The following NLRP10 variants were observed in gnomAD, a reference collection of about 807,000 sequenced individuals.
NLRP10 encodes the protein NLR family pyrin domain containing 10.
In NLRP10, 7 loss-of-function variants were observed where a neutral mutation model predicts 8.2. The ratio of observed to expected loss-of-function variants is 0.85; its 90% CI spans 0.48 to 1.60. NLRP10 has a LOEUF of 1.60. NLRP10 is among the 40% of genes most tolerant of loss of function. The pLI is 0.00. For synonymous variants in NLRP10, 338 were observed against 314.0 expected (o/e 1.08, Z -0.81); for missense variants, 814 against 776.3 (o/e 1.05, Z -0.58).
In NLRP10 at chr11:7,958,583, C is replaced by A. The variant is rs749523727; in HGVS notation, c.*1061G>T. 3.9e-5 allele frequency among the ~76,000 whole-genome samples: 6 copies of A among 152,008 alleles called. No homozygotes were observed. Among genetic ancestry groups the A allele is most frequent in the Non-Finnish European group, 7.4e-5 (5 of 67,984 alleles). On this transcript the variant is annotated 3_prime_UTR_variant, in exon 3 of 3. Transcript: ENST00000691676. ...TTTTTTTTTTTGAGGCAGAGTCTCA[C>A]TCTGTTGCCAGGCTGGAGTGCAGTG...
In NLRP10 at chr11:7,961,007, T is replaced by C; in HGVS notation, c.605A>G (p.Tyr202Cys). 5 of 1,614,134 alleles carry C rather than the reference T, an allele frequency of 3.1e-6. No individual in the cohort carries two copies. The highest frequency in any genetic ancestry group is 4.2e-6 in the Non-Finnish European group (5 of 1,180,028). ...TGTLYPGRFD[Y>C]VFYVSCKEVV... ...TTCTTTGCAGCTTACATAAAAGACA[T>C]AATCAAACCGGCCTGGGTACAGAGT... Residue 202 changes from tyrosine to cysteine, a missense_variant, in exon 3 of 3, where the codon TAT becomes TGT. Coordinates refer to ENST00000691676, the MANE Select transcript of NLRP10 (RefSeq NM_001391958.1).
At position 7,960,602 on chromosome 11, in the gene NLRP10, G is replaced by C; in HGVS notation, c.1010C>G (p.Ala337Gly). 6.2e-7 allele frequency: 1 copy of C among 1,614,146 alleles called. No homozygotes were observed. The highest frequency in any genetic ancestry group is 1.1e-5 in the South Asian group (1 of 91,084). ...GTCATTTTTCTGTACAATGTCGAAG[G>C]CACGGTCAGCTTGCTTCTCATCCGT... Reference protein sequence around the residue: ...YFTDEKQADRAFDIVQKNDIL... With the variant: ...YFTDEKQADRGFDIVQKNDIL... The change falls in exon 3 of 3, where the codon GCC becomes GGC. Residue 337 changes from alanine to glycine, a missense_variant. Physicochemically the swap from Ala to Gly is moderately conservative, Grantham distance 60. Coordinates refer to ENST00000691676, the MANE Select transcript of NLRP10 (RefSeq NM_001391958.1).
Position 7,958,536 on chromosome 11 carries a change from T to C in NLRP10, c.*1108A>G, listed in dbSNP as rs539490390. 2.9e-4 allele frequency among the ~76,000 whole-genome samples: 44 copies of C among 152,318 alleles called. No individual in the cohort carries two copies. In the South Asian group the frequency reaches 8.7e-3, roughly 30 times the overall value. On this transcript the variant is annotated 3_prime_UTR_variant, in exon 3 of 3. Coordinates refer to ENST00000691676, the MANE Select transcript of NLRP10 (RefSeq NM_001391958.1). ...TGTGTATCTTCTTTAATAAGCTGTCTGTTCCAATCTTTTTACTCACCTTTT... is the reference window on the plus strand; with the variant it reads ...TGTGTATCTTCTTTAATAAGCTGTCCGTTCCAATCTTTTTACTCACCTTTT...
chr11:7,964,874 T>G (rs1564880079), intron 1 of NLRP10, among the ~76,000 whole-genome samples: 1 of 152,232 alleles, frequency 6.6e-6, no homozygotes, highest in Non-Finnish European at 1.5e-5. Context: ...GAAATACACC[T>G]GTGACCTAAG....
chr11:7,963,859 G>A (rs1323559629), intron 1 of NLRP10, among the ~76,000 whole-genome samples: 2 of 146,576 alleles, frequency 1.4e-5, no homozygotes, highest in African/African-American at 2.5e-5. Flanking sequence ...CTCTCAACAC[G>A]TTCTTTATTA....
chr11:7,959,725 A>G lies in NLRP10; in HGVS notation c.1887T>C (p.Asp629=), dbSNP rs199475856. 60 of 1,611,792 alleles carry G rather than the reference A, an allele frequency of 3.7e-5. No individual in the cohort carries two copies. In the Middle Eastern group the frequency reaches 6.6e-4, roughly 18 times the overall value. ...PSVHGQKEGK[D]NIAGTQKEAS... is the part of the protein sequence containing the mutation. ...CTTCCTTTTGTGTTCCTGCTATATT[A>G]TCTTTGCCCTCCTTCTGTCCATGGA... The change falls in exon 3 of 3, where the codon GAT becomes GAC. Residue 629 remains aspartate (D), a synonymous_variant. Transcript: ENST00000691676.
Position 7,960,168 on chromosome 11 carries a change from C to A in NLRP10, c.1444G>T (p.Glu482Ter). 1 of 1,614,052 alleles carries A rather than the reference C, an allele frequency of 6.2e-7. No individual in the cohort carries two copies. ...FFHAMSYLVK[E>*]DQSRLGKESR... ...TCCTTCCCCAGCCGGCTTTGGTCCT[C>A]TTTCACCAGGTAAGACATGGCATGA... The change falls in exon 3 of 3, where the codon GAG becomes TAG. Residue 482 changes from glutamate (E) to a stop codon, truncating the protein, a stop_gained. Coordinates refer to ENST00000691676, the MANE Select transcript of NLRP10 (RefSeq NM_001391958.1). LOFTEE classifies it low-confidence loss of function (END_TRUNC).
At position 7,960,239 on chromosome 11, in the gene NLRP10, A is replaced by C. The variant is rs1941690462; in HGVS notation, c.1373T>G (p.Ile458Ser). Residue 458 changes from isoleucine to serine, a missense_variant, in exon 3 of 3, where the codon ATC (isoleucine) becomes AGC (serine). Coordinates refer to ENST00000691676, the MANE Select transcript of NLRP10 (RefSeq NM_001391958.1). ...SSNDYQLGLAIKKFYSFRHIS... is the reference protein window; with the variant it reads ...SSNDYQLGLASKKFYSFRHIS... ...GTGGCGGAAGCTGTAGAACTTCTTG[A>C]TGGCAAGTCCCAATTGGTAGTCGTT... 6.2e-7 allele frequency: 1 copy of C among 1,614,136 alleles called. No homozygotes were observed. The highest frequency in any genetic ancestry group is 8.5e-7 in the Non-Finnish European group (1 of 1,180,010).
chr11:7,964,094 G>T (rs1371623537), intron 1 of NLRP10, among the ~76,000 whole-genome samples: 1 of 151,936 alleles, frequency 6.6e-6, no homozygotes, highest in Non-Finnish European at 1.5e-5. Flanking sequence ...GCTCACTTTT[G>T]TATTTTTAGT....
chr11:7,960,394 C>T lies in NLRP10; in HGVS notation c.1218G>A (p.Arg406=). 1 of 1,613,986 alleles carries T rather than the reference C, an allele frequency of 6.2e-7. No homozygotes were observed. The highest frequency in any genetic ancestry group is 8.5e-7 in the Non-Finnish European group (1 of 1,180,022). ...DDDGGCSELS[R]HRVLRSLCSL... is the part of the protein sequence containing the mutation. ...AGCACAGACTCCTCAGGACCCTGTG[C>T]CGGGAAAGCTCGGAGCAGCCCCCAT... is the stretch of plus-strand genomic sequence containing the variant. Residue 406 remains arginine, a synonymous_variant, in exon 3 of 3, where the codon CGG becomes CGA. Coordinates refer to ENST00000691676, the MANE Select transcript of NLRP10 (RefSeq NM_001391958.1).
rs143606704 is a variant in NLRP10 at position 7,960,434 on chromosome 11, A to T, written c.1178T>A (p.Leu393Gln). 3 of 1,613,946 alleles carry T rather than the reference A, an allele frequency of 1.9e-6. No individual in the cohort carries two copies. Among genetic ancestry groups the T allele is most frequent in the Non-Finnish European group, 2.5e-6 (3 of 1,180,046 alleles). The stretch of plus-strand genomic sequence containing the variant: ...GCAGCCCCCATCATCATCGGGCGGC[A>T]GAAAGGTGGAGACGTAAGCCATGAA... ...DIFMAYVSTF[L>Q]PPDDDGGCSE... Residue 393 changes from leucine (L) to glutamine (Q), a missense_variant, in exon 3 of 3, where the codon CTG (leucine) becomes CAG (glutamine). Transcript: ENST00000691676.
chr11:7,964,016 C>T (rs1158742561), intron 1 of NLRP10, among the ~76,000 whole-genome samples: 2 of 152,048 alleles, frequency 1.3e-5, no homozygotes, highest in East Asian at 1.9e-4. Context: ...CCACATCCCA[C>T]GTTCAAGCAA....
rs1370583463 is a variant in NLRP10, at chr11:7,960,964, C to T, written c.648G>A (p.Glu216=). 4 of 1,614,204 alleles carry T rather than the reference C, an allele frequency of 2.5e-6. No individual in the cohort carries two copies. In the South Asian group the frequency reaches 3.3e-5, roughly 13 times the overall value. The change falls in exon 3 of 3, where the codon GAG becomes GAA. Residue 216 remains glutamate, a synonymous_variant. Coordinates refer to ENST00000691676, the MANE Select transcript of NLRP10 (RefSeq NM_001391958.1). ...VSCKEVVLLL[E]SKLEQLLFWC... is the part of the protein sequence containing the mutation. ...AGAAAAGGAGCTGCTCCAGTTTGCT[C>T]TCCAGCAGCAGGACCACTTCTTTGC...
chr11:7,963,377 C>A lies in NLRP10; in HGVS notation c.119G>T (p.Gly40Val). The A allele has an allele frequency of 6.2e-7, 1 of 1,614,182 alleles. No individual in the cohort carries two copies. ...CTCCCCTCTGGCCAGTGGGGGCTGG[C>A]CCTCAGACAGGGTCATATCCCGTAA... ...FYLRDMTLSEGQPPLARGELE... is the reference protein window; with the variant it reads ...FYLRDMTLSEVQPPLARGELE... Residue 40 changes from glycine to valine, a missense_variant, in exon 2 of 3, where the codon GGC (glycine) becomes GTC (valine). By Grantham distance (109) the Gly-to-Val change is moderately radical. Transcript: ENST00000691676.
At position 7,958,552 on chromosome 11, in the gene NLRP10, C is replaced by T. The variant is rs1941659634; in HGVS notation, c.*1092G>A. On this transcript the variant is annotated 3_prime_UTR_variant, in exon 3 of 3. Coordinates refer to ENST00000691676, the MANE Select transcript of NLRP10 (RefSeq NM_001391958.1). ...TAAGCTGTCTGTTCCAATCTTTTTA[C>T]TCACCTTTTTTTTTTTGAGGCAGAG... is the stretch of plus-strand genomic sequence containing the variant. Among the ~76,000 whole-genome samples, 1 of 151,812 alleles carries T rather than the reference C, an allele frequency of 6.6e-6. No individual in the cohort carries two copies. Among genetic ancestry groups the T allele is most frequent in the Admixed American group, 6.6e-5 (1 of 15,224 alleles).
chr11:7,961,029 G>A lies in NLRP10; in HGVS notation c.583C>T (p.Leu195=). ...ACATAATCAAACCGGCCTGGGTACA[G>A]AGTACCGGTGGCCCAGTCCAACACC... ...KMVLDWATGT[L]YPGRFDYVFY... Residue 195 remains leucine (L), a synonymous_variant, in exon 3 of 3, where the codon CTG becomes TTG. Coordinates refer to ENST00000691676, the MANE Select transcript of NLRP10 (RefSeq NM_001391958.1). 1.2e-6 allele frequency: 2 copies of A among 1,614,212 alleles called. No individual in the cohort carries two copies. The highest frequency in any genetic ancestry group is 1.7e-6 in the Non-Finnish European group (2 of 1,180,032).
Position 7,963,258 on chromosome 11 carries a change from C to A in NLRP10, c.238G>T (p.Val80Phe). 1 of 1,614,222 alleles carries A rather than the reference C, an allele frequency of 6.2e-7. No homozygotes were observed. Among genetic ancestry groups the A allele is most frequent in the Non-Finnish European group, 8.5e-7 (1 of 1,180,038 alleles). ...AVKVVLKGLK[V>F]MNLLELVDQL... ...TCCACAAGTTCCAACAGGTTCATGA[C>A]CTTCAAGCCCTTGAGGACAACTTTC... Residue 80 changes from valine to phenylalanine, a missense_variant, in exon 2 of 3, where the codon GTC becomes TTC. By Grantham distance (50) the Val-to-Phe change is conservative. Transcript: ENST00000691676.
At position 7,959,905 on chromosome 11, in the gene NLRP10, T is replaced by G. The variant is rs774885629; in HGVS notation, c.1707A>C (p.Glu569Asp). The change falls in exon 3 of 3, where the codon GAA becomes GAC. Residue 569 changes from glutamate (E) to aspartate (D), a missense_variant. By Grantham distance (45) the Glu-to-Asp change is conservative. Transcript: ENST00000691676. ...RTWDLEFSLY[E>D]AKIKNLVKGI... ...CTTTTACCAGATTCTTTATTTTAGCTTCATACAGGGAGAATTCCAAATCCC... is the reference window on the plus strand; with the variant it reads ...CTTTTACCAGATTCTTTATTTTAGCGTCATACAGGGAGAATTCCAAATCCC... 1 of 1,614,078 alleles carries G rather than the reference T, an allele frequency of 6.2e-7. No individual in the cohort carries two copies. The highest frequency in any genetic ancestry group is 8.5e-7 in the Non-Finnish European group (1 of 1,179,926).
chr11:7,958,613 G>C lies in NLRP10; in HGVS notation c.*1031C>G, dbSNP rs915546748. ...TTGCCAGGCTGGAGTGCAGTGGTGCGATCTCAGCTCACTGCAACCTCCGCC... is the reference window on the plus strand; with the variant it reads ...TTGCCAGGCTGGAGTGCAGTGGTGCCATCTCAGCTCACTGCAACCTCCGCC... On this transcript the variant is annotated 3_prime_UTR_variant, in exon 3 of 3. Coordinates refer to ENST00000691676, the MANE Select transcript of NLRP10 (RefSeq NM_001391958.1). 3.3e-5 allele frequency among the ~76,000 whole-genome samples: 5 copies of C among 151,760 alleles called. No individual in the cohort carries two copies. Among genetic ancestry groups the C allele is most frequent in the African/African-American group, 4.8e-5 (2 of 41,296 alleles).
Sources: gnomAD v4.1 joint callset for allele counts (sites outside exome capture counted in the v4.1 genomes callset) on GRCh38, gnomAD v4.1.1 for gene constraint, MANE v1.5 for transcripts, NCBI Gene and HGNC (gene_info 2026-07-23, HGNC 2026-07-21) for gene names.